Variants in SPAG16 observed in about 807,000 individuals in gnomAD.
The protein encoded by SPAG16 is sperm-associated antigen 16 protein.
SPAG16 carries 86 observed loss-of-function variants against 80.4 expected under a neutral mutation model. The observed-to-expected ratio is 1.07, with a 90% CI of 0.90 to 1.28. The LOEUF (loss-of-function observed/expected upper bound fraction) is 1.28. SPAG16 is among the 50% of genes most tolerant of loss of function. The probability of loss-of-function intolerance (pLI) is 0.00; values close to 1 mark genes in which losing one functional copy is unlikely to be tolerated. For synonymous variants in SPAG16, 294 were observed against 265.9 expected (o/e 1.11, Z -1.03); for missense variants, 870 against 765.3 (o/e 1.14, Z -1.61).
At chr2:213,437,145 C>T (rs535877298) in intron 9 of SPAG16, among the ~76,000 whole-genome samples, 7 of 152,206 alleles carry the variant, frequency 4.6e-5, no homozygotes, top group East Asian at 3.9e-4. Context: ...GTGATCTGCC[C>T]GTCTCAGCCT....
intron 13 of SPAG16, among the ~76,000 whole-genome samples, chr2:214,050,309 T>A (rs902838673): frequency 2.0e-5 from 3 of 150,878 alleles, no homozygotes; most frequent in Non-Finnish European, 3.0e-5. Context: ...AAAAAAAAAA[T>A]TCAGTTTATC....
At position 213,991,185 on chromosome 2, in the gene SPAG16, A is replaced by G. The variant is rs551448259; in HGVS notation, c.1401-22766A>G. 1.5e-3 allele frequency among the ~76,000 whole-genome samples: 226 copies of G among 151,952 alleles called. 1 individual carries two copies. Among genetic ancestry groups the G allele is most frequent in the Non-Finnish European group, 2.2e-3 (149 of 67,944 alleles). Reference sequence around the variant, plus strand: ...ACTCCCCGTCAGGCCCTGGTGTGTGATGTTCCCCTCCCTGTGTCCATGTGT... The same window carrying G: ...ACTCCCCGTCAGGCCCTGGTGTGTGGTGTTCCCCTCCCTGTGTCCATGTGT... On this transcript the variant is annotated intron_variant, in intron 12 of 15. Coordinates refer to ENST00000331683, the MANE Select transcript of SPAG16 (RefSeq NM_024532.5).
chr2:214,398,774 A>C (rs1701540610), intron 15 of SPAG16, among the ~76,000 whole-genome samples: 1 of 152,240 alleles, frequency 6.6e-6, no homozygotes, highest in Admixed American at 6.5e-5. Context: ...ACTTTCTGGC[A>C]TAACTACTTT....
chr2:214,253,932 T>C (rs1450503821), intron 15 of SPAG16, among the ~76,000 whole-genome samples: 2 of 152,136 alleles, frequency 1.3e-5, no homozygotes, highest in African/African-American at 2.4e-5. Context: ...TTCGTATCCA[T>C]GAGCATGGAA....
rs1221749336 is a variant in SPAG16 at position 213,864,161 on chromosome 2, A to G, written c.1214+1533A>G. On this transcript the variant is annotated intron_variant, in intron 11 of 15. Transcript: ENST00000331683. ...TGAAAGAGTTTATATCTCAGACCAC[A>G]AACATTTTATAATCCTTGTATGCAA... Among the ~76,000 whole-genome samples, 4 of 152,160 alleles carry G rather than the reference A, an allele frequency of 2.6e-5. No homozygotes were observed. The East Asian group carries it at 7.7e-4, about 29-fold the overall frequency.
At chr2:214,149,821 A>G (rs565314921) in intron 15 of SPAG16, among the ~76,000 whole-genome samples, 43 of 152,244 alleles carry the variant, frequency 2.8e-4, no homozygotes, top group African/African-American at 1.0e-3. Context: ...AAGTATTATC[A>G]ATTAGATAAA....
rs576713283 is a variant in SPAG16 at position 213,455,089 on chromosome 2, A to G, written c.943-34874A>G. Among the ~76,000 whole-genome samples, 6 of 152,306 alleles carry G rather than the reference A, an allele frequency of 3.9e-5. 1 individual carries two copies. In the South Asian group the frequency reaches 1.2e-3, roughly 32 times the overall value. On this transcript the variant is annotated intron_variant, in intron 9 of 15. Transcript: ENST00000331683. ...TGAAATACAGATTTCAAAACTACCT[A>G]GTTAGCAAATGCTGGATAATGAAAT...
intron 15 of SPAG16, among the ~76,000 whole-genome samples, chr2:214,169,856 A>T (rs1033174063): frequency 6.6e-6 from 1 of 152,044 alleles, no homozygotes; most frequent in Non-Finnish European, 1.5e-5. Context: ...TCCTGGGGAT[A>T]AAAAGGGAAA....
chr2:213,986,126 C>T (rs1433372330), intron 12 of SPAG16, among the ~76,000 whole-genome samples: 1 of 152,010 alleles, frequency 6.6e-6, no homozygotes, highest in Non-Finnish European at 1.5e-5. Flanking sequence ...GACAAAGAGA[C>T]TTTGACTTTT....
At chr2:214,324,175 C>A (rs1024020990) in intron 15 of SPAG16, among the ~76,000 whole-genome samples, 13 of 152,114 alleles carry the variant, frequency 8.5e-5, no homozygotes, top group Non-Finnish European at 1.6e-4. Context: ...AGTTTAGCAA[C>A]CTTAAATGTC....
chr2:213,472,839 A>T (rs940964575), intron 9 of SPAG16, among the ~76,000 whole-genome samples: 2 of 152,230 alleles, frequency 1.3e-5, no homozygotes, highest in African/African-American at 4.8e-5. Context: ...AGTGACCATT[A>T]GTCCCCGAAT....
chr2:214,002,768 T>A (rs986021131), intron 12 of SPAG16, among the ~76,000 whole-genome samples: 36 of 152,166 alleles, frequency 2.4e-4, no homozygotes, highest in South Asian at 2.1e-4. Context: ...ACTCACCATT[T>A]TAGTTATATT....
rs532062593 is a variant in SPAG16 at position 213,344,424 on chromosome 2, A to G, written c.644+4154A>G. Among the ~76,000 whole-genome samples, 249 of 151,990 alleles carry G rather than the reference A, an allele frequency of 1.6e-3. 1 individual carries two copies. Among genetic ancestry groups the G allele is most frequent in the African/African-American group, 5.8e-3 (242 of 41,474 alleles). On this transcript the variant is annotated intron_variant, in intron 6 of 15. Transcript: ENST00000331683. ...TTTAAGTTTTAGGGTACATGTGCAC[A>G]GCGTGCAGGTTTGTTACATATGTAT...
At chr2:213,673,798 AAAC>A in intron 10 of SPAG16, among the ~76,000 whole-genome samples, 1 of 152,254 alleles carries the variant, frequency 6.6e-6, no homozygotes, top group East Asian at 1.9e-4. Context: ...AATGTATTAC[AAAC>A]AACAAAAAAA....
intron 10 of SPAG16, among the ~76,000 whole-genome samples, chr2:213,692,826 G>T (rs925059987): frequency 2.1e-5 from 3 of 144,256 alleles, no homozygotes; most frequent in Non-Finnish European, 4.6e-5. Flanking sequence ...AAAAAAAAAA[G>T]AAAAAAAAAG....
At chr2:214,249,137 G>A (rs1295680635) in intron 15 of SPAG16, among the ~76,000 whole-genome samples, 1 of 152,116 alleles carries the variant, frequency 6.6e-6, no homozygotes. Flanking sequence ...TGGGACTGAA[G>A]AATGTGAAAA....
intron 10 of SPAG16, among the ~76,000 whole-genome samples, chr2:213,575,030 T>G (rs188906536): frequency 1.9e-4 from 29 of 152,250 alleles, no homozygotes; most frequent in Admixed American, 1.4e-3. Context: ...CTTTCTGCAT[T>G]GCACCTAACT....
chr2:214,035,031 T>G (rs1369863028), intron 13 of SPAG16, among the ~76,000 whole-genome samples: 2 of 152,132 alleles, frequency 1.3e-5, no homozygotes, highest in African/African-American at 4.8e-5. Context: ...TATTGTGTGA[T>G]GTAACAGCTC....
chr2:213,355,358 G>C (rs762262052), intron 7 of SPAG16, among the ~76,000 whole-genome samples: 9 of 131,070 alleles, frequency 6.9e-5, no homozygotes, highest in Non-Finnish European at 1.1e-4. Context: ...CTCTTTTTTG[G>C]TTCCATATGA....
Sources: gnomAD v4.1 joint callset for allele counts (sites outside exome capture counted in the v4.1 genomes callset) on GRCh38, gnomAD v4.1.1 for gene constraint, MANE v1.5 for transcripts, NCBI Gene and HGNC (gene_info 2026-07-23, HGNC 2026-07-21) for gene names.